NRG2: variants seen among roughly 807,000 people sequenced by gnomAD.
NRG2 encodes pro-neuregulin-2, membrane-bound isoform.
Under a neutral mutation model 73.9 loss-of-function variants are expected in NRG2, and 27 were observed. The ratio of observed to expected loss-of-function variants is 0.37; its 90% CI spans 0.27 to 0.50. The LOEUF (loss-of-function observed/expected upper bound fraction) is 0.50. Ranked by LOEUF, NRG2 falls within the 20% of genes least tolerant of loss-of-function variation. NRG2 has a pLI of 0.96. For missense variants in NRG2, 1,126 were observed against 1,210.1 expected, an observed-to-expected ratio of 0.93 and a Z score of 1.03; for synonymous variants, 532 against 541.0, an observed-to-expected ratio of 0.98 and a Z score of 0.23.
At chr5:139,964,946 G>A (rs1755377045) in intron 1 of NRG2, among the ~76,000 whole-genome samples, 1 of 152,230 alleles carries the variant, frequency 6.6e-6, no homozygotes, top group African/African-American at 2.4e-5. Context: ...TTGGCCTCAG[G>A]CCACTAAGAG....
chr5:139,961,715 C>G (rs115599449), intron 1 of NRG2, among the ~76,000 whole-genome samples: 1 of 152,150 alleles, frequency 6.6e-6, no homozygotes, highest in African/African-American at 2.4e-5. Flanking sequence ...TGGTTGGCCC[C>G]CTGCTCCCTG....
At chr5:140,039,561 C>A (rs560908981) in intron 1 of NRG2, among the ~76,000 whole-genome samples, 1 of 152,256 alleles carries the variant, frequency 6.6e-6, no homozygotes, top group African/African-American at 2.4e-5. Context: ...TCACAGACTT[C>A]AAGTCAACAT....
At chr5:139,879,455 T>C (rs1763388575) in intron 3 of NRG2, among the ~76,000 whole-genome samples, 1 of 152,132 alleles carries the variant, frequency 6.6e-6, no homozygotes, top group South Asian at 2.1e-4. Flanking sequence ...TCTCCGAACA[T>C]GGGAGAGGCC....
chr5:140,027,331 A>C (rs1215730800), intron 1 of NRG2, among the ~76,000 whole-genome samples: 8 of 152,190 alleles, frequency 5.3e-5, no homozygotes. Context: ...TCTATTAAAT[A>C]ATAGGAATTC....
chr5:139,852,344 A>G lies in NRG2; in HGVS notation c.1544+88T>C. 2 of 1,519,976 alleles carry G rather than the reference A, an allele frequency of 1.3e-6. No individual in the cohort carries two copies. The highest frequency in any genetic ancestry group is 2.3e-5 in the East Asian group (1 of 44,032). 94.2% of individuals were successfully genotyped at this position (1,519,976 alleles called of 1,614,324 possible). On this transcript the variant is annotated intron_variant, in intron 8 of 9. Coordinates refer to ENST00000361474, the MANE Select transcript of NRG2 (RefSeq NM_004883.3). The surrounding 1 kb of genome is among the most constrained non-coding windows in gnomAD (Gnocchi z 4.4). ...TGGCAAGCTCAGGGGAGGGTATTGA[A>G]TAGCTCTGGATGTCGGAGTAAGTGG... is the stretch of plus-strand genomic sequence containing the variant.
chr5:139,987,828 G>T (rs927273031), intron 1 of NRG2, among the ~76,000 whole-genome samples: 1 of 144,980 alleles, frequency 6.9e-6, no homozygotes, highest in Non-Finnish European at 1.5e-5. Flanking sequence ...AGGCTGGAGT[G>T]CAGTAGTGCG....
chr5:139,873,365 C>T (rs978913614), intron 3 of NRG2, among the ~76,000 whole-genome samples: 2 of 152,206 alleles, frequency 1.3e-5, no homozygotes, highest in African/African-American at 4.8e-5. Flanking sequence ...ACCCAGGGAA[C>T]TAAGAAAGGG....
rs1414782680 is a variant in NRG2, at chr5:139,847,659, TGTTTC to T, written c.*253_*257del. Reference sequence around the variant, plus strand: ...TGGCCCATCTCTCTTTTTTTTTTGTTGTTTCTTTTTTTTTTCCGAAGCTGTAAATC... The same window carrying T: ...TGGCCCATCTCTCTTTTTTTTTTGTTTTTTTTTTTTCCGAAGCTGTAAATC... On this transcript the variant is annotated 3_prime_UTR_variant, in exon 10 of 10. Coordinates refer to ENST00000361474, the MANE Select transcript of NRG2 (RefSeq NM_004883.3). 3.2e-6 allele frequency: 1 copy of T among 309,440 alleles called. No individual in the cohort carries two copies. Among genetic ancestry groups the T allele is most frequent in the Non-Finnish European group, 5.8e-6 (1 of 172,024 alleles). The allele number at this position is 309,440 out of a possible 1,614,324, so 19.2% of individuals were successfully genotyped here. A position where few individuals can be genotyped will look rare whatever the true frequency, so the allele number is the denominator to read the frequency against.
intron 3 of NRG2, among the ~76,000 whole-genome samples, chr5:139,872,920 G>A (rs1161186708): frequency 1.3e-5 from 2 of 152,232 alleles, no homozygotes; most frequent in East Asian, 1.9e-4. Context: ...AGGGCCTCTC[G>A]TTCCCACCCA....
chr5:139,938,067 A>G (rs899500074), intron 1 of NRG2, among the ~76,000 whole-genome samples: 7 of 152,190 alleles, frequency 4.6e-5, no homozygotes, highest in African/African-American at 1.7e-4. Context: ...GGACAGAGTG[A>G]CACCTTGTCT....
chr5:139,976,705 C>G (rs1207902305), intron 1 of NRG2, among the ~76,000 whole-genome samples: 1 of 152,232 alleles, frequency 6.6e-6, no homozygotes, highest in Non-Finnish European at 1.5e-5. Context: ...GGAGAAGGTA[C>G]TAAAACACCA....
At chr5:139,910,903 G>A (rs777827980) in intron 1 of NRG2, among the ~76,000 whole-genome samples, 116 of 152,152 alleles carry the variant, frequency 7.6e-4, no homozygotes, top group Non-Finnish European at 1.4e-3. Context: ...AGAGCAGAAG[G>A]TGGAAGGGAA....
At chr5:140,029,033 C>T (rs1190206299) in intron 1 of NRG2, among the ~76,000 whole-genome samples, 1 of 152,180 alleles carries the variant, frequency 6.6e-6, no homozygotes, top group African/African-American at 2.4e-5. Context: ...TTGAAATGAC[C>T]TTGTCGCAAC....
rs1275059848 is a variant in NRG2 at position 139,847,367 on chromosome 5, C to G, written c.*550G>C. ...TCTCCCCCTGGAAGTTACCCCAGCT[C>G]CAGCTCCAAGCCTAGGGTCCTGGCC... On this transcript the variant is annotated 3_prime_UTR_variant, in exon 10 of 10. Coordinates refer to ENST00000361474, the MANE Select transcript of NRG2 (RefSeq NM_004883.3). 6.6e-6 allele frequency: 1 copy of G among 152,150 alleles called. No homozygotes were observed. The highest frequency in any genetic ancestry group is 1.5e-5 in the Non-Finnish European group (1 of 68,094). 9.4% of individuals were successfully genotyped at this position (152,150 alleles called of 1,614,324 possible). A position where few individuals can be genotyped will look rare whatever the true frequency, so the allele number is the denominator to read the frequency against.
intron 1 of NRG2, among the ~76,000 whole-genome samples, chr5:139,994,260 T>C (rs146657394): frequency 0.017 from 2,594 of 152,362 alleles, 43 homozygotes; most frequent in Non-Finnish European, 0.027. Context: ...AAGAAGTTTG[T>C]TCTCATTTCA....
At chr5:139,886,043 C>T (rs1763842629) in intron 2 of NRG2, among the ~76,000 whole-genome samples, 1 of 152,116 alleles carries the variant, frequency 6.6e-6, no homozygotes, top group South Asian at 2.1e-4. Flanking sequence ...CTTGCCAATG[C>T]TGTAGACAAG....
chr5:139,937,879 T>C (rs1194185543), intron 1 of NRG2, among the ~76,000 whole-genome samples: 1 of 152,152 alleles, frequency 6.6e-6, no homozygotes, highest in Non-Finnish European at 1.5e-5. Flanking sequence ...TTAAAAACTC[T>C]TACACATACA....
chr5:140,022,647 T>C lies in NRG2; in HGVS notation c.700+19723A>G, dbSNP rs893776940. Among the ~76,000 whole-genome samples, 9 of 152,218 alleles carry C rather than the reference T, an allele frequency of 5.9e-5. No homozygotes were observed. The South Asian group carries it at 6.2e-4, about 11-fold the overall frequency. ...AGCTTTGTGATCTTGGGAAAATTAT[T>C]AACCTCTTTATACTTGAGTTTTCCC... On this transcript the variant is annotated intron_variant, in intron 1 of 9. Coordinates refer to ENST00000361474, the MANE Select transcript of NRG2 (RefSeq NM_004883.3).
chr5:140,015,079 G>A (rs1468908369), intron 1 of NRG2, among the ~76,000 whole-genome samples: 4 of 152,156 alleles, frequency 2.6e-5, no homozygotes, highest in East Asian at 1.9e-4. Context: ...CTAATGTCAC[G>A]TTGTAATTTA....
Sources: gnomAD v4.1 joint callset for allele counts (sites outside exome capture counted in the v4.1 genomes callset) on GRCh38, gnomAD v4.1.1 for gene constraint, Gnocchi (gnomAD v3.1) non-coding constraint, MANE v1.5 for transcripts, NCBI Gene and HGNC (gene_info 2026-07-23, HGNC 2026-07-21) for gene names.